Variants in CDH12 observed in about 807,000 individuals in gnomAD.
CDH12 encodes cadherin-12.
In CDH12, 41 loss-of-function variants were observed where a neutral mutation model predicts 74.1. The ratio of observed to expected loss-of-function variants is 0.55; its 90% CI spans 0.43 to 0.72. The LOEUF (loss-of-function observed/expected upper bound fraction) is 0.72, where lower values mean the gene tolerates loss of function less well. Ranked by LOEUF, CDH12 falls within the 30% of genes least tolerant of loss-of-function variation. The pLI is 0.00. For missense variants in CDH12, 945 were observed against 977.2 expected (o/e 0.97, Z 0.44); for synonymous variants, 399 against 355.0 (o/e 1.12, Z -1.39).
At chr5:21,898,468 T>C (rs914979144) in intron 6 of CDH12, among the ~76,000 whole-genome samples, 6 of 151,968 alleles carry the variant, frequency 3.9e-5, no homozygotes, top group South Asian at 2.1e-4. Flanking sequence ...TTTGGGAGGC[T>C]GAGGCGGGCG....
intron 3 of CDH12, among the ~76,000 whole-genome samples, chr5:22,342,659 TTCTC>T (rs1171865006): frequency 6.7e-6 from 1 of 150,280 alleles, no homozygotes; most frequent in Admixed American, 6.6e-5. Context: ...TTTTCTTTCT[TTCTC>T]TTTCTTTCCT....
intron 6 of CDH12, among the ~76,000 whole-genome samples, chr5:21,969,301 C>G (rs147308648): frequency 1.6e-3 from 242 of 152,184 alleles, no homozygotes; most frequent in African/African-American, 5.7e-3. Flanking sequence ...GACAGAGCAA[C>G]ATGAATCATT....
intron 14 of CDH12, among the ~76,000 whole-genome samples, chr5:21,754,429 T>G (rs934624709): frequency 2.0e-5 from 3 of 152,176 alleles, no homozygotes; most frequent in Admixed American, 2.0e-4. Context: ...ACTTGGAATG[T>G]GTCCTTAAGG....
At chr5:22,443,877 T>A (rs1344366389) in intron 2 of CDH12, among the ~76,000 whole-genome samples, 1 of 152,116 alleles carries the variant, frequency 6.6e-6, no homozygotes, top group Non-Finnish European at 1.5e-5. Flanking sequence ...CATACACATG[T>A]GTATATGTAT....
chr5:22,117,497 AT>A (rs1745226954), intron 4 of CDH12, among the ~76,000 whole-genome samples: 1 of 75,332 alleles, frequency 1.3e-5, no homozygotes, highest in African/African-American at 6.1e-5. Context: ...TATTATATAT[AT>A]ATAATATATA....
intron 5 of CDH12, among the ~76,000 whole-genome samples, chr5:22,024,199 A>G (rs1395246233): frequency 4.6e-5 from 7 of 152,198 alleles, no homozygotes; most frequent in Admixed American, 3.3e-4. Context: ...TACGGAAGAT[A>G]ATTACATATT....
intron 6 of CDH12, among the ~76,000 whole-genome samples, chr5:21,860,026 C>G (rs1750952987): frequency 6.6e-6 from 1 of 151,526 alleles, no homozygotes; most frequent in Non-Finnish European, 1.5e-5. Flanking sequence ...AAAAAAAAAA[C>G]ATGACCTGCT....
At chr5:22,026,676 T>G (rs904944328) in intron 5 of CDH12, among the ~76,000 whole-genome samples, 2 of 152,174 alleles carry the variant, frequency 1.3e-5, no homozygotes, top group African/African-American at 4.8e-5. Flanking sequence ...TAGGGTTTCA[T>G]GCTTTCATTA....
At chr5:22,792,268 T>C (rs1315553642) in intron 1 of CDH12, among the ~76,000 whole-genome samples, 3 of 151,992 alleles carry the variant, frequency 2.0e-5, no homozygotes, top group African/African-American at 4.8e-5. Context: ...TTTCTATTTT[T>C]AGTAGAGACA....
intron 4 of CDH12, chr5:22,151,872 T>C (rs1747604575): frequency 6.6e-6 from 1 of 152,154 alleles, no homozygotes. Context: ...ACTGATCTGA[T>C]AATGTCAACT....
intron 6 of CDH12, among the ~76,000 whole-genome samples, chr5:21,888,596 TA>T (rs34584548): frequency 0.73 from 111,117 of 151,802 alleles, 41,631 homozygotes; most frequent in East Asian, 0.8. Flanking sequence ...ATAATAATAA[TA>T]AAAAAAAGAA....
intron 5 of CDH12, among the ~76,000 whole-genome samples, chr5:22,023,394 TTAAA>T: frequency 6.6e-6 from 1 of 152,310 alleles, no homozygotes; most frequent in East Asian, 1.9e-4. Flanking sequence ...AAAATCTGTA[TTAAA>T]TAAACATGCA....
rs372653727 is a variant in CDH12, at chr5:22,729,136, AAC to A, written c.-523+123920_-523+123921del. 7.2e-5 allele frequency among the ~76,000 whole-genome samples: 11 copies of A among 151,974 alleles called. No homozygotes were observed. The East Asian group carries it at 1.6e-3, about 21-fold the overall frequency. ...TCAGAATAACAATATATATATTTTT[AAC>A]AGTTTCTGTGGGTCAGAAATCAAGG... On this transcript the variant is annotated intron_variant, in intron 1 of 14. Transcript: ENST00000382254.
At chr5:22,739,357 C>T (rs1319758470) in intron 1 of CDH12, among the ~76,000 whole-genome samples, 1 of 151,612 alleles carries the variant, frequency 6.6e-6, no homozygotes, top group Non-Finnish European at 1.5e-5. Context: ...CTGACACTCA[C>T]AATACTACGT....
chr5:22,786,442 C>T (rs1561029942), intron 1 of CDH12, among the ~76,000 whole-genome samples: 1 of 152,186 alleles, frequency 6.6e-6, no homozygotes, highest in Non-Finnish European at 1.5e-5. Flanking sequence ...CTGTTTTTCA[C>T]AAGCTGGGCT....
In CDH12 at chr5:21,989,517, C is replaced by T. The variant is rs184875324; in HGVS notation, c.232-14132G>A. Among the ~76,000 whole-genome samples, 384 of 152,258 alleles carry T rather than the reference C, an allele frequency of 2.5e-3. 2 individuals are homozygous for T. The highest frequency in any genetic ancestry group is 8.8e-3 in the African/African-American group (366 of 41,542). On this transcript the variant is annotated intron_variant, in intron 5 of 14. Coordinates refer to ENST00000382254, the MANE Select transcript of CDH12 (RefSeq NM_004061.5). ...AAAAGTAGATGACATCTTTCCCCAA[C>T]CATGAGTCCTCAGGTTGTTACAGAG...
intron 1 of CDH12, among the ~76,000 whole-genome samples, chr5:22,814,841 A>T (rs1165803278): frequency 6.6e-6 from 1 of 152,200 alleles, no homozygotes; most frequent in African/African-American, 2.4e-5. Context: ...TGAAATATTT[A>T]AGTAAAATAA....
chr5:22,243,694 G>C (rs1179208427), intron 3 of CDH12, among the ~76,000 whole-genome samples: 1 of 152,134 alleles, frequency 6.6e-6, no homozygotes. Flanking sequence ...AAGTGCATGA[G>C]GATGAAGCAT....
intron 4 of CDH12, among the ~76,000 whole-genome samples, chr5:22,105,262 T>C (rs1744364652): frequency 6.6e-6 from 1 of 151,296 alleles, no homozygotes; most frequent in African/African-American, 2.4e-5. Flanking sequence ...CAGCTAATTT[T>C]TTTTATATTT....
Sources: allele counts gnomAD v4.1 joint callset (sites outside exome capture counted in the v4.1 genomes callset), GRCh38; gene constraint gnomAD v4.1.1; transcripts MANE v1.5; gene names NCBI Gene and HGNC (gene_info 2026-07-23, HGNC 2026-07-21).